Variants in CDH8 observed in about 807,000 individuals in gnomAD.
The protein encoded by CDH8 is cadherin 8, also known as cadherin-8.
Under a neutral mutation model 68.1 loss-of-function variants are expected in CDH8, and 17 were observed. The ratio of observed to expected loss-of-function variants is 0.25; its 90% CI spans 0.17 to 0.37. CDH8 has a LOEUF of 0.37. CDH8 is among the 10% of genes least tolerant of loss of function. The pLI, the probability that CDH8 is intolerant of heterozygous loss-of-function variation, is 1.00. For missense variants in CDH8, 763 were observed against 999.3 expected, an observed-to-expected ratio of 0.76 and a Z score of 3.19; for synonymous variants, 372 against 365.1, an observed-to-expected ratio of 1.02 and a Z score of -0.21.
At chr16:61,787,901 T>C (rs1961267893) in intron 8 of CDH8, among the ~76,000 whole-genome samples, 1 of 109,094 alleles carries the variant, frequency 9.2e-6, no homozygotes, top group African/African-American at 3.7e-5. Flanking sequence ...TGAGATCACA[T>C]GGACACAGGA....
At chr16:61,703,763 C>T (rs1472944918) in intron 10 of CDH8, among the ~76,000 whole-genome samples, 1 of 152,106 alleles carries the variant, frequency 6.6e-6, no homozygotes, top group African/African-American at 2.4e-5. Flanking sequence ...TGGCGTGAAC[C>T]CGGGAGGCGG....
rs1401368054 is a variant in CDH8 at position 61,825,024 on chromosome 16, T to C, written c.823A>G (p.Lys275Glu). The change falls in exon 5 of 12, where the codon AAA becomes GAA. Residue 275 changes from lysine (K) to glutamate (E), a missense_variant. Coordinates refer to ENST00000577390, the MANE Select transcript of CDH8 (RefSeq NM_001796.5). ...GAAATTAACTTACTCTGTGCAAATTTTGGAGGATTGTCATTAACATCAGTA... is the reference window on the plus strand; with the variant it reads ...GAAATTAACTTACTCTGTGCAAATTCTGGAGGATTGTCATTAACATCAGTA... ...TLTDVNDNPPKFAQSLYHFSV... is the reference protein window; with the variant it reads ...TLTDVNDNPPEFAQSLYHFSV... The C allele has an allele frequency of 1.2e-6, 2 of 1,611,216 alleles. No homozygotes were observed. Among genetic ancestry groups the C allele is most frequent in the African/African-American group, 1.3e-5 (1 of 74,702 alleles).
At chr16:61,659,350 G>T (rs2142750232) in intron 10 of CDH8, among the ~76,000 whole-genome samples, 1 of 152,314 alleles carries the variant, frequency 6.6e-6, no homozygotes, top group Non-Finnish European at 1.5e-5. Context: ...TCAGCTCAGT[G>T]AGGTAGAAAC....
intron 8 of CDH8, among the ~76,000 whole-genome samples, chr16:61,736,674 TAA>T (rs975589845): frequency 3.3e-5 from 5 of 152,178 alleles, no homozygotes; most frequent in Non-Finnish European, 7.4e-5. Flanking sequence ...ATTTCCAACA[TAA>T]GTGTCATATT....
chr16:61,782,100 T>C (rs1961074775), intron 8 of CDH8, among the ~76,000 whole-genome samples: 1 of 152,124 alleles, frequency 6.6e-6, no homozygotes, highest in South Asian at 2.1e-4. Context: ...GATGGCCGAA[T>C]AGGAACAGCT....
At chr16:61,899,471 T>C (rs77019585) in intron 3 of CDH8, among the ~76,000 whole-genome samples, 1,848 of 149,962 alleles carry the variant, frequency 0.012, 41 homozygotes, top group African/African-American at 0.042. Context: ...TGAAAGACAA[T>C]GGAGGGAAGG....
At chr16:61,766,285 C>A (rs1960587788) in intron 8 of CDH8, among the ~76,000 whole-genome samples, 1 of 151,870 alleles carries the variant, frequency 6.6e-6, no homozygotes, top group Admixed American at 6.6e-5. Flanking sequence ...AGAATAATGG[C>A]CCCCAGTTCC....
In CDH8 at chr16:61,982,266, C is replaced by A. The variant is rs144628925; in HGVS notation, c.252+38886G>T. ...ACAGAGTCTCGCTCTATCGCCCAGG[C>A]TGGAGTGCAGTGGCGCGATCTCGGC... is the stretch of plus-strand genomic sequence containing the variant. On this transcript the variant is annotated intron_variant, in intron 2 of 11. Coordinates refer to ENST00000577390, the MANE Select transcript of CDH8 (RefSeq NM_001796.5). 3.9e-3 allele frequency among the ~76,000 whole-genome samples: 590 copies of A among 152,156 alleles called. 1 individual carries two copies. Among genetic ancestry groups the A allele is most frequent in the African/African-American group, 0.014 (567 of 41,508 alleles).
intron 1 of CDH8, among the ~76,000 whole-genome samples, chr16:62,035,500 C>T (rs1902434267): frequency 6.6e-6 from 1 of 152,162 alleles, no homozygotes; most frequent in Admixed American, 6.5e-5. Flanking sequence ...GGAGCTGCCA[C>T]TTGTGGGAAA....
rs1200536417 is a variant in CDH8 at position 62,016,798 on chromosome 16, G to A, written c.252+4354C>T. 3.9e-5 allele frequency among the ~76,000 whole-genome samples: 6 copies of A among 152,312 alleles called. No individual in the cohort carries two copies. In the East Asian group the frequency reaches 1.2e-3, roughly 29 times the overall value. On this transcript the variant is annotated intron_variant, in intron 2 of 11. Coordinates refer to ENST00000577390, the MANE Select transcript of CDH8 (RefSeq NM_001796.5). ...CTTTCTGCTCCAGTTTGTACCATAA[G>A]CCCAAACACAAAAGTCTGAAGATAG...
At chr16:61,992,050 T>TTGTGTGTGTGTG (rs11271459) in intron 2 of CDH8, among the ~76,000 whole-genome samples, 12,608 of 144,238 alleles carry the variant, frequency 0.087, 759 homozygotes, top group Non-Finnish European at 0.13. Context: ...TGCTAAATCT[T>TTGTGTGTGTGTG]TGTGTGTGTG....
intron 2 of CDH8, among the ~76,000 whole-genome samples, chr16:62,014,895 A>T (rs1358490438): frequency 6.6e-6 from 1 of 152,118 alleles, no homozygotes; most frequent in East Asian, 1.9e-4. Flanking sequence ...CCACCTGCAG[A>T]GCAGACTGGT....
At chr16:61,889,554 C>A (rs1325056407) in intron 3 of CDH8, among the ~76,000 whole-genome samples, 1 of 152,150 alleles carries the variant, frequency 6.6e-6, no homozygotes, top group African/African-American at 2.4e-5. Context: ...CAGAATTTCA[C>A]AAATATGTGT....
chr16:61,703,459 A>G (rs1964470406), intron 10 of CDH8, among the ~76,000 whole-genome samples: 1 of 152,208 alleles, frequency 6.6e-6, no homozygotes, highest in Non-Finnish European at 1.5e-5. Context: ...AACAAAGGCA[A>G]GTTTCACATT....
intron 2 of CDH8, among the ~76,000 whole-genome samples, chr16:61,978,388 G>A (rs1185157651): frequency 6.6e-6 from 1 of 152,146 alleles, no homozygotes; most frequent in African/African-American, 2.4e-5. Context: ...CACCATTGCT[G>A]TTGCTGATAT....
intron 2 of CDH8, among the ~76,000 whole-genome samples, chr16:61,914,246 C>T (rs77518071): frequency 0.086 from 13,048 of 152,238 alleles, 693 homozygotes; most frequent in African/African-American, 0.13. Context: ...GCTTAAGTCA[C>T]CCAGTCTGTG....
intron 2 of CDH8, among the ~76,000 whole-genome samples, chr16:61,903,485 G>A (rs1435119440): frequency 1.3e-5 from 2 of 152,142 alleles, no homozygotes; most frequent in Non-Finnish European, 2.9e-5. Flanking sequence ...CACGGCGCCC[G>A]GCTAATTTTT....
chr16:61,890,366 C>G (rs1239010216), intron 3 of CDH8, among the ~76,000 whole-genome samples: 1 of 120,922 alleles, frequency 8.3e-6, no homozygotes, highest in Non-Finnish European at 1.7e-5. Context: ...GCTAAATTGG[C>G]TTAAAGACAC....
chr16:61,971,820 T>G (rs74021710), intron 2 of CDH8, among the ~76,000 whole-genome samples: 6,642 of 152,276 alleles, frequency 0.044, 440 homozygotes, highest in African/African-American at 0.14. Flanking sequence ...TTTGGAGATT[T>G]CAAGGAGTTT....
Sources: gnomAD v4.1 joint callset for allele counts (sites outside exome capture counted in the v4.1 genomes callset) on GRCh38, gnomAD v4.1.1 for gene constraint, MANE v1.5 for transcripts, NCBI Gene and HGNC (gene_info 2026-07-23, HGNC 2026-07-21) for gene names.